TMC4: variants seen among roughly 807,000 people sequenced by gnomAD.
TMC4 encodes voltage-gated chloride channel TMC4.
TMC4 carries 70 observed loss-of-function variants against 82.0 expected under a neutral mutation model. That is an observed-to-expected ratio of 0.85 (90% CI 0.70 to 1.04). TMC4 has a LOEUF of 1.04. Among genes scored for constraint, TMC4 ranks in the 50% least tolerant of loss-of-function variants. The probability of loss-of-function intolerance (pLI) is 0.00; values close to 1 mark genes in which losing one functional copy is unlikely to be tolerated. For missense variants in TMC4, 879 were observed against 899.0 expected, an observed-to-expected ratio of 0.98 and a Z score of 0.28; for synonymous variants, 446 against 406.0, an observed-to-expected ratio of 1.10 and a Z score of -1.18.
intron 2 of TMC4, among the ~76,000 whole-genome samples, chr19:54,171,631 G>A (rs1007486525): frequency 2.0e-5 from 3 of 152,202 alleles, no homozygotes; most frequent in Admixed American, 6.5e-5. Flanking sequence ...AGACCAGGGA[G>A]ACGGCAAATC....
intron 5 of TMC4, among the ~76,000 whole-genome samples, chr19:54,167,253 AC>A (rs2075727989): frequency 6.6e-6 from 1 of 151,784 alleles, no homozygotes; most frequent in Non-Finnish European, 1.5e-5. Flanking sequence ...ACAGAGTGAG[AC>A]CCTGTCTCAA....
Position 54,172,077 on chromosome 19 carries a change from G to A in TMC4, c.86C>T (p.Ser29Leu), listed in dbSNP as rs371745905. 33 of 1,594,278 alleles carry A rather than the reference G, an allele frequency of 2.1e-5. No homozygotes were observed. The highest frequency in any genetic ancestry group is 8.1e-5 in the African/African-American group (6 of 74,432). ...LAPREARGGP[S>L]LSSVLNELPS... ...CAGCTCGTTCAGCACAGAAGACAGCGATGGGCCTGGGGAGGAGCAGGGGGC... is the reference window on the plus strand; with the variant it reads ...CAGCTCGTTCAGCACAGAAGACAGCAATGGGCCTGGGGAGGAGCAGGGGGC... The change falls in exon 2 of 15, where the codon TCG (serine) becomes TTG (leucine). Residue 29 changes from serine to leucine, a missense_variant. By Grantham distance (145) the Ser-to-Leu change is moderately radical. Coordinates refer to ENST00000619895, the MANE Select transcript of TMC4 (RefSeq NM_144686.4).
rs1178849401 is a variant in TMC4, at chr19:54,165,573, G to T, written c.798-7C>A. 2.5e-6 allele frequency: 4 copies of T among 1,593,356 alleles called. No homozygotes were observed. Among genetic ancestry groups the T allele is most frequent in the Non-Finnish European group, 3.4e-6 (4 of 1,165,254 alleles). On this transcript the variant is annotated splice_polypyrimidine_tract_variant and splice_region_variant and intron_variant, in intron 5 of 14. Coordinates refer to ENST00000619895, the MANE Select transcript of TMC4 (RefSeq NM_144686.4). ...CTTCAGCCCAGACACCGAGCTGAGA[G>T]GGGAGACCCGGGAGACGGGAAGTGA...
At chr19:54,172,128 T>A (rs1415645375) in intron 1 of TMC4, 45 bp from the exon 2 acceptor site, 1 of 1,463,902 alleles carries the variant, frequency 6.8e-7, no homozygotes, top group Non-Finnish European at 9.1e-7. Flanking sequence ...GTCTGGGCCC[T>A]AATTCCTCCT....
chr19:54,164,622 C>A, intron 6 of TMC4, 21 bp from the exon 7 acceptor site: 1 of 1,610,894 alleles, frequency 6.2e-7, no homozygotes, highest in Non-Finnish European at 8.5e-7. Flanking sequence ...GAGAGATGCC[C>A]GCTTGGACTC....
intron 3 of TMC4, 32 bp downstream of exon 3, chr19:54,169,480 G>A: frequency 6.3e-7 from 1 of 1,589,042 alleles, no homozygotes; most frequent in Non-Finnish European, 8.5e-7. Flanking sequence ...TCCAGGCCCT[G>A]CCCCCAGGAC....
At chr19:54,166,926 CT>C (rs2075720113) in intron 5 of TMC4, among the ~76,000 whole-genome samples, 1 of 151,554 alleles carries the variant, frequency 6.6e-6, no homozygotes, top group African/African-American at 2.4e-5. Flanking sequence ...GCACTCTAGC[CT>C]GGGTGACAGA....
rs34564463 is a variant in TMC4, at chr19:54,173,119, GCC to G, written c.-4_-3del. ...TTCCAAGGTCGGGTTTTCTTCCATG[GCC>G]CCAGGCTGGGCTGTCTCTAGTGGCC... is the stretch of plus-strand genomic sequence containing the variant. On this transcript the variant is annotated 5_prime_UTR_variant, in exon 1 of 15. Coordinates refer to ENST00000619895, the MANE Select transcript of TMC4 (RefSeq NM_144686.4). 3 of 1,613,374 alleles carry G rather than the reference GCC, an allele frequency of 1.9e-6. No individual in the cohort carries two copies. The South Asian group carries it at 3.3e-5, about 18-fold the overall frequency.
intron 3 of TMC4, among the ~76,000 whole-genome samples, 167 bp downstream of exon 3, chr19:54,169,345 T>C (rs996582874): frequency 2.6e-5 from 4 of 151,652 alleles, no homozygotes; most frequent in African/African-American, 9.7e-5. Flanking sequence ...CAGCCGTGCC[T>C]TTCTCAGACC....
At chr19:54,163,618 C>T in intron 8 of TMC4, 106 bp downstream of exon 8, 1 of 1,376,842 alleles carries the variant, frequency 7.3e-7, no homozygotes, top group South Asian at 1.2e-5. Flanking sequence ...ATTTGAATCC[C>T]TGGATTCGGT....
chr19:54,161,287 G>C (rs753395968), intron 11 of TMC4, 27 bp from the exon 12 acceptor site: 5 of 1,488,566 alleles, frequency 3.4e-6, no homozygotes, highest in Non-Finnish European at 4.5e-6. Context: ...CGGAGAAAAG[G>C]GCTCTGAAAC....
At chr19:54,162,576 C>T in intron 10 of TMC4, 97 bp downstream of exon 10, 4 of 991,002 alleles carry the variant, frequency 4.0e-6, no homozygotes, top group East Asian at 2.5e-5. Context: ...CAGGCAGAGG[C>T]GGGAATGGTA....
intron 8 of TMC4, among the ~76,000 whole-genome samples, chr19:54,163,487 T>C (rs1242129347): frequency 6.6e-6 from 1 of 151,828 alleles, no homozygotes; most frequent in African/African-American, 2.4e-5. Flanking sequence ...TTCGTATTTT[T>C]ACTACAGACG....
intron 11 of TMC4, among the ~76,000 whole-genome samples, chr19:54,161,512 C>G (rs541941100): frequency 6.6e-6 from 1 of 151,070 alleles, no homozygotes; most frequent in Non-Finnish European, 1.5e-5. Flanking sequence ...CCACTCCCGG[C>G]TAATTTGTTT....
At chr19:54,164,262 C>T (rs990282653) in intron 7 of TMC4, among the ~76,000 whole-genome samples, 172 bp downstream of exon 7, 3 of 152,032 alleles carry the variant, frequency 2.0e-5, no homozygotes, top group Admixed American at 6.6e-5. Context: ...TGTAAGCCAC[C>T]GCGCCCAGCC....
chr19:54,167,227 G>A (rs781012837), intron 5 of TMC4, among the ~76,000 whole-genome samples: 3 of 152,042 alleles, frequency 2.0e-5, no homozygotes, highest in African/African-American at 4.8e-5. Context: ...TTGCACCACT[G>A]CACGCTAGCC....
intron 11 of TMC4, 32 bp from the exon 12 acceptor site, chr19:54,161,292 T>C: frequency 6.8e-7 from 1 of 1,470,544 alleles, no homozygotes; most frequent in South Asian, 1.5e-5. Flanking sequence ...AAAAGGGCTC[T>C]GAAACACAAG....
At position 54,164,558 on chromosome 19, in the gene TMC4, C is replaced by G. The variant is rs776832634; in HGVS notation, c.989G>C (p.Arg330Pro). ...ETVVRRQAAV[R>P]TLGQQARVWL... Reference sequence around the variant, plus strand: ...AACCCTGGCTTGCTGGCCCAGCGTCCGCACCGCAGCCTGGCGCCGCACCAC... The same window carrying G: ...AACCCTGGCTTGCTGGCCCAGCGTCGGCACCGCAGCCTGGCGCCGCACCAC... The change falls in exon 7 of 15, where the codon CGG (arginine) becomes CCG (proline). Residue 330 changes from arginine (R) to proline (P), a missense_variant. Transcript: ENST00000619895. 6.2e-6 allele frequency: 10 copies of G among 1,613,812 alleles called. No homozygotes were observed. The highest frequency in any genetic ancestry group is 2.2e-5 in the East Asian group (1 of 44,876).
chr19:54,163,304 CTTTCTTTTTTTT>C (rs1377779894), intron 8 of TMC4, 145 bp from the exon 9 acceptor site: 3 of 794,856 alleles, frequency 3.8e-6, no homozygotes, highest in Non-Finnish European at 5.4e-6. Context: ...TTCTTTCTTT[CTTTCTTTTTTTT>C]TTTTTTTTTT....
Sources: gnomAD v4.1 joint callset for allele counts (sites outside exome capture counted in the v4.1 genomes callset) on GRCh38, gnomAD v4.1.1 for gene constraint, MANE v1.5 for transcripts, NCBI Gene and HGNC (gene_info 2026-07-23, HGNC 2026-07-21) for gene names.